The following MOXD1 variants were observed in gnomAD, a reference collection of about 807,000 sequenced individuals.
MOXD1 encodes the protein DBH-like monooxygenase protein 1.
A neutral mutation model predicts 66.6 loss-of-function variants in MOXD1; 62 were observed. The ratio of observed to expected loss-of-function variants is 0.93; its 90% confidence interval spans 0.76 to 1.15. MOXD1 has a LOEUF of 1.15. MOXD1 is among the 50% of genes most tolerant of loss of function. The pLI, the probability that MOXD1 is intolerant of heterozygous loss-of-function variation, is 0.00. For missense variants in MOXD1, 847 were observed against 754.6 expected, an observed-to-expected ratio of 1.12 and a Z score of -1.44; for synonymous variants, 303 against 281.9, an observed-to-expected ratio of 1.07 and a Z score of -0.75.
intron 4 of MOXD1, among the ~76,000 whole-genome samples, chr6:132,338,871 A>C (rs1337490176): frequency 1.3e-5 from 2 of 152,220 alleles, no homozygotes; most frequent in Non-Finnish European, 2.9e-5. Context: ...TGAAGCAACA[A>C]ATACCTTGTA....
At chr6:132,336,376 C>G (rs372450193) in intron 4 of MOXD1, among the ~76,000 whole-genome samples, 1 of 152,294 alleles carries the variant, frequency 6.6e-6, no homozygotes, top group African/African-American at 2.4e-5. Context: ...CCTATGGGAA[C>G]ATTTCAGCCA....
intron 8 of MOXD1, among the ~76,000 whole-genome samples, chr6:132,322,444 T>G (rs542534101): frequency 6.6e-6 from 1 of 152,346 alleles, no homozygotes; most frequent in African/African-American, 2.4e-5. Context: ...GGGTTGTTTT[T>G]ATTTTTCAGT....
At chr6:132,318,012 CAAGTT>C (rs1230868718) in intron 9 of MOXD1, among the ~76,000 whole-genome samples, 5 of 152,094 alleles carry the variant, frequency 3.3e-5, no homozygotes, top group African/African-American at 1.2e-4. Context: ...CAGATACACT[CAAGTT>C]AATATAGGCA....
chr6:132,347,887 T>C (rs1775698725), intron 4 of MOXD1, among the ~76,000 whole-genome samples: 1 of 151,982 alleles, frequency 6.6e-6, no homozygotes, highest in Non-Finnish European at 1.5e-5. Context: ...CACTCTTCTC[T>C]CTTTTTTTTT....
At chr6:132,384,313 C>A (rs1188712301) in intron 1 of MOXD1, among the ~76,000 whole-genome samples, 7 of 145,746 alleles carry the variant, frequency 4.8e-5, no homozygotes, top group African/African-American at 1.8e-4. Flanking sequence ...CCCTCCCTCC[C>A]TTTCATTCTT....
At chr6:132,332,759 C>T (rs1039471916) in intron 4 of MOXD1, among the ~76,000 whole-genome samples, 4 of 152,144 alleles carry the variant, frequency 2.6e-5, no homozygotes, top group African/African-American at 9.7e-5. Flanking sequence ...GGAGGCTGCT[C>T]GTTATTTTCT....
chr6:132,360,759 C>G (rs1776003357), intron 4 of MOXD1, among the ~76,000 whole-genome samples: 1 of 152,172 alleles, frequency 6.6e-6, no homozygotes, highest in Non-Finnish European at 1.5e-5. Flanking sequence ...GCTCTATATA[C>G]AAGACATAGC....
chr6:132,354,533 C>G (rs1374123299), intron 4 of MOXD1, among the ~76,000 whole-genome samples: 1 of 152,196 alleles, frequency 6.6e-6, no homozygotes, highest in Non-Finnish European at 1.5e-5. Flanking sequence ...GCCATTGATA[C>G]CAGCACCTGT....
intron 1 of MOXD1, among the ~76,000 whole-genome samples, chr6:132,388,966 G>T (rs1776702604): frequency 6.6e-6 from 1 of 151,242 alleles, no homozygotes; most frequent in African/African-American, 2.4e-5. Context: ...ATGAAAGAAA[G>T]GCTCCTAGTT....
In MOXD1 at chr6:132,372,627, T is replaced by C. The variant is rs748555455; in HGVS notation, c.644A>G (p.Glu215Gly). ...ACATACCTTTATTACATGATGCTTT[T>C]CTTGGAACACAGGAATCTTAAACAT... ...CQMFKIPVFQ[E>G]KHHVIKVEPV... Residue 215 changes from glutamate (E) to glycine (G), a missense_variant, in exon 4 of 12, where the codon GAA becomes GGA. Transcript: ENST00000367963. The C allele has an allele frequency of 1.9e-6, 3 of 1,613,678 alleles. No individual in the cohort carries two copies. The highest frequency in any genetic ancestry group is 1.7e-6 in the Non-Finnish European group (2 of 1,179,576).
At chr6:132,327,947 A>T in intron 6 of MOXD1, 66 bp downstream of exon 6, 1 of 1,289,504 alleles carries the variant, frequency 7.8e-7, no homozygotes, top group Non-Finnish European at 1.1e-6. Context: ...CAACTCTGTT[A>T]AAGACTTACA....
Position 132,315,764 on chromosome 6 carries a change from G to A in MOXD1, c.1379C>T (p.Thr460Ile). 1 of 1,613,256 alleles carries A rather than the reference G, an allele frequency of 6.2e-7. No individual in the cohort carries two copies. The highest frequency in any genetic ancestry group is 8.5e-7 in the Non-Finnish European group (1 of 1,179,568). Residue 460 changes from threonine (T) to isoleucine (I), a missense_variant, in exon 10 of 12, where the codon ACC becomes ATC. Coordinates refer to ENST00000367963, the MANE Select transcript of MOXD1 (RefSeq NM_015529.4). Reference protein sequence around the residue: ...RAEMTWGGLSTRSEMCLSYLL... With the variant: ...RAEMTWGGLSIRSEMCLSYLL... ...GTATGAGAGACACATTTCACTCCTGGTGCTTAGTCCTCCCTGAAAACAGAT... is the reference window on the plus strand; with the variant it reads ...GTATGAGAGACACATTTCACTCCTGATGCTTAGTCCTCCCTGAAAACAGAT...
intron 10 of MOXD1, among the ~76,000 whole-genome samples, chr6:132,314,519 C>G (rs995164037): frequency 1.3e-5 from 2 of 152,224 alleles, no homozygotes; most frequent in African/African-American, 4.8e-5. Flanking sequence ...CCCACCTGCT[C>G]TCATGTGTCC....
At chr6:132,363,472 C>A (rs150153667) in intron 4 of MOXD1, among the ~76,000 whole-genome samples, 1 of 152,068 alleles carries the variant, frequency 6.6e-6, no homozygotes, top group Non-Finnish European at 1.5e-5. Flanking sequence ...ACTTCTTCCA[C>A]GCAAATTATT....
At chr6:132,358,654 C>G (rs4895935) in intron 4 of MOXD1, among the ~76,000 whole-genome samples, 10,349 of 152,108 alleles carry the variant, frequency 0.068, 720 homozygotes, top group African/African-American at 0.18. Flanking sequence ...GGGGCATATT[C>G]AAAAACCCTG....
At chr6:132,311,624 T>C (rs1468954036) in intron 10 of MOXD1, among the ~76,000 whole-genome samples, 1 of 152,056 alleles carries the variant, frequency 6.6e-6, no homozygotes, top group Non-Finnish European at 1.5e-5. Context: ...AACATTTATT[T>C]GAACTTCAAC....
At chr6:132,393,413 C>A (rs1397033603) in intron 1 of MOXD1, among the ~76,000 whole-genome samples, 2 of 152,058 alleles carry the variant, frequency 1.3e-5, no homozygotes, top group East Asian at 3.8e-4. Context: ...GCACTGAAAG[C>A]AAGGAAGGAG....
At position 132,401,387 on chromosome 6, in the gene MOXD1, G is replaced by C; in HGVS notation, c.40C>G (p.Pro14Ala). 1.3e-6 allele frequency: 2 copies of C among 1,537,064 alleles called. No homozygotes were observed. Among genetic ancestry groups the C allele is most frequent in the South Asian group, 2.4e-5 (2 of 83,518 alleles). Residue 14 changes from proline (P) to alanine (A), a missense_variant, in exon 1 of 12, where the codon CCC (proline) becomes GCC (alanine). Physicochemically the swap from Pro to Ala is conservative, Grantham distance 27. Transcript: ENST00000367963. ...WPLLLLWGLLPGTAAGGSGRT... is the reference protein window; with the variant it reads ...WPLLLLWGLLAGTAAGGSGRT... ...CCCGAGCCCCCCGCCGCCGTCCCGG[G>C]GAGCAGCCCCCACAGCAGGAGCAGC...
chr6:132,324,157 GA>G, intron 6 of MOXD1, 60 bp from the exon 7 acceptor site: 1 of 1,515,788 alleles, frequency 6.6e-7, no homozygotes. Context: ...TCATTCCCAA[GA>G]AAATTCTTGG....
Sources: gnomAD v4.1 joint callset for allele counts (sites outside exome capture counted in the v4.1 genomes callset) on GRCh38, gnomAD v4.1.1 for gene constraint, MANE v1.5 for transcripts, NCBI Gene and HGNC (gene_info 2026-07-23, HGNC 2026-07-21) for gene names.